EDC3: variants seen among roughly 807,000 people sequenced by gnomAD.
The protein encoded by EDC3 is enhancer of mRNA-decapping protein 3.
A neutral mutation model predicts 41.8 loss-of-function variants in EDC3; 20 were observed. The ratio of observed to expected loss-of-function variants is 0.48; its 90% CI spans 0.34 to 0.70. The LOEUF is 0.70. Among genes scored for constraint, EDC3 ranks in the 30% least tolerant of loss-of-function variants. EDC3 has a pLI of 0.01. For missense variants in EDC3, 444 were observed against 636.8 expected (o/e 0.70, Z 3.26); for synonymous variants, 206 against 243.2 (o/e 0.85, Z 1.42).
At chr15:74,694,498 G>A (rs969019247) in intron 1 of EDC3, among the ~76,000 whole-genome samples, 2 of 152,176 alleles carry the variant, frequency 1.3e-5, no homozygotes, top group African/African-American at 4.8e-5. Flanking sequence ...TACATACGGG[G>A]TTTCACCACG....
intron 1 of EDC3, among the ~76,000 whole-genome samples, chr15:74,690,167 A>G (rs1384092558): frequency 6.6e-6 from 1 of 152,218 alleles, no homozygotes; most frequent in African/African-American, 2.4e-5. Flanking sequence ...ACTTGTTATT[A>G]AAATCTATCC....
chr15:74,663,760 A>C (rs1370299907), intron 3 of EDC3, among the ~76,000 whole-genome samples: 1 of 151,972 alleles, frequency 6.6e-6, no homozygotes, highest in African/African-American at 2.4e-5. Flanking sequence ...CATGATGAGG[A>C]GCTATTGAAA....
chr15:74,669,155 T>C (rs2062711551), intron 3 of EDC3, among the ~76,000 whole-genome samples: 2 of 151,900 alleles, frequency 1.3e-5, no homozygotes, highest in African/African-American at 2.4e-5. Flanking sequence ...GAGACCAGCC[T>C]GACCAACATG....
intron 3 of EDC3, among the ~76,000 whole-genome samples, chr15:74,660,404 C>T (rs1042172702): frequency 1.6e-5 from 2 of 125,832 alleles, no homozygotes; most frequent in African/African-American, 3.0e-5. Context: ...AGTGAGACTC[C>T]GTCTCCAAAA....
At chr15:74,686,431 G>A (rs1047834206) in intron 1 of EDC3, among the ~76,000 whole-genome samples, 2 of 152,018 alleles carry the variant, frequency 1.3e-5, no homozygotes, top group African/African-American at 4.8e-5. Context: ...AGGTTGCAGT[G>A]AGCTGAGATC....
chr15:74,631,976 G>GTGA lies in EDC3; in HGVS notation c.*633_*635dup, dbSNP rs540394047. Reference sequence around the variant, plus strand: ...ATGCCGCCCCCTTCCCTACCTCTGAGTGATGGAGGGAAAAGGAGGGAGAGA... The same window carrying GTGA: ...ATGCCGCCCCCTTCCCTACCTCTGAGTGATGATGGAGGGAAAAGGAGGGAGAGA... On this transcript the variant is annotated 3_prime_UTR_variant, in exon 7 of 7. Coordinates refer to ENST00000315127, the MANE Select transcript of EDC3 (RefSeq NM_025083.5). 2.2e-4 allele frequency: 34 copies of GTGA among 154,888 alleles called. No homozygotes were observed. The South Asian group carries it at 4.8e-3, about 22-fold the overall frequency. 9.6% of individuals were successfully genotyped at this position (154,888 alleles called of 1,614,324 possible).
intron 4 of EDC3, chr15:74,643,328 GTTTC>G (rs1037090699): frequency 1.6e-4 from 24 of 152,176 alleles, no homozygotes; most frequent in Non-Finnish European, 4.4e-5. Flanking sequence ...AGTTGGTAGG[GTTTC>G]TTTGAGCATT....
In EDC3 at chr15:74,656,071, G is replaced by A; in HGVS notation, c.485-3C>T. 1 of 1,604,634 alleles carries A rather than the reference G, an allele frequency of 6.2e-7. No individual in the cohort carries two copies. Among genetic ancestry groups the A allele is most frequent in the Non-Finnish European group, 8.5e-7 (1 of 1,175,408 alleles). On this transcript the variant is annotated splice_region_variant and splice_polypyrimidine_tract_variant and intron_variant, in intron 3 of 6. Coordinates refer to ENST00000315127, the MANE Select transcript of EDC3 (RefSeq NM_025083.5). ...TGGGTGCCTGCTACTAGATGACCCT[G>A]GAGAAAAAATAGGGACTAAAGTCAG...
rs143887462 is a variant in EDC3, at chr15:74,665,357, A to C, written c.484+6098T>G. Among the ~76,000 whole-genome samples, 404 of 152,318 alleles carry C rather than the reference A, an allele frequency of 2.7e-3. 2 individuals are homozygous for C. Among genetic ancestry groups the C allele is most frequent in the African/African-American group, 9.3e-3 (386 of 41,564 alleles). On this transcript the variant is annotated intron_variant, in intron 3 of 6. Coordinates refer to ENST00000315127, the MANE Select transcript of EDC3 (RefSeq NM_025083.5). The stretch of plus-strand genomic sequence containing the variant: ...ATCTACTTTCATGTTCTACAGGCAA[A>C]AGAGCCTTAACTTAACTGTTAAATT...
chr15:74,655,220 A>G (rs989228634), intron 4 of EDC3, among the ~76,000 whole-genome samples: 4 of 152,224 alleles, frequency 2.6e-5, no homozygotes, highest in African/African-American at 9.7e-5. Context: ...TGTTACATGA[A>G]ATTAGCCAAC....
chr15:74,687,116 G>C (rs1463900882), intron 1 of EDC3: 2 of 152,216 alleles, frequency 1.3e-5, no homozygotes, highest in Non-Finnish European at 2.9e-5. Context: ...AGTTTGGGAA[G>C]CCAAGGCAGG....
intron 5 of EDC3, 187 bp from the exon 6 acceptor site, chr15:74,635,813 C>A (rs1441576869): frequency 2.2e-5 from 13 of 603,402 alleles, no homozygotes; most frequent in Non-Finnish European, 3.8e-5. Flanking sequence ...CCTGTTGTCC[C>A]AAACCCCAAC....
intron 3 of EDC3, among the ~76,000 whole-genome samples, chr15:74,665,659 G>C (rs1360631237): frequency 6.6e-6 from 1 of 152,108 alleles, no homozygotes; most frequent in Admixed American, 6.6e-5. Flanking sequence ...CCCGAAAAGA[G>C]ATTAAAATCT....
chr15:74,692,406 G>A (rs2063017819), intron 1 of EDC3, among the ~76,000 whole-genome samples: 2 of 152,014 alleles, frequency 1.3e-5, no homozygotes, highest in South Asian at 4.1e-4. Flanking sequence ...AGGCCCATAG[G>A]ACTTCACTGG....
chr15:74,650,671 C>A (rs1374921499), intron 4 of EDC3, among the ~76,000 whole-genome samples: 2 of 152,128 alleles, frequency 1.3e-5, no homozygotes, highest in African/African-American at 2.4e-5. Context: ...TTTTGACTGA[C>A]CCAAACTGTC....
rs1290279520 is a variant in EDC3, at chr15:74,658,552, C to T, written c.485-2484G>A. On this transcript the variant is annotated intron_variant, in intron 3 of 6. Transcript: ENST00000315127. The stretch of plus-strand genomic sequence containing the variant: ...TACACTATGCAAATACAATTTATGC[C>T]CAAGTATTCCTAATGCCTTGTACTG... 2.1e-5 allele frequency among the ~76,000 whole-genome samples: 3 copies of T among 145,786 alleles called. No homozygotes were observed. In the East Asian group the frequency reaches 6.3e-4, roughly 30 times the overall value.
chr15:74,685,927 T>C (rs75693992), intron 1 of EDC3, among the ~76,000 whole-genome samples: 7,317 of 152,276 alleles, frequency 0.048, 302 homozygotes, highest in African/African-American at 0.11. Context: ...GTGTGGGGGC[T>C]CACGTTTATA....
intron 1 of EDC3, among the ~76,000 whole-genome samples, chr15:74,678,119 A>G (rs1048735672): frequency 6.6e-6 from 1 of 152,068 alleles, no homozygotes; most frequent in Non-Finnish European, 1.5e-5. Flanking sequence ...GGTGAACAAG[A>G]GAATTTTTAG....
intron 5 of EDC3, chr15:74,638,552 T>G (rs2062304556): frequency 6.6e-6 from 1 of 152,098 alleles, no homozygotes; most frequent in Non-Finnish European, 1.5e-5. Flanking sequence ...CAGGCTGGTT[T>G]TGACCTCCTG....
Sources: gnomAD v4.1 joint callset for allele counts (sites outside exome capture counted in the v4.1 genomes callset) on GRCh38, gnomAD v4.1.1 for gene constraint, MANE v1.5 for transcripts, NCBI Gene and HGNC (gene_info 2026-07-23, HGNC 2026-07-21) for gene names.